The following SAMD3 variants were observed in gnomAD, a reference collection of about 807,000 sequenced individuals.
SAMD3 encodes the protein sterile alpha motif domain containing 3.
A neutral mutation model predicts 58.5 loss-of-function variants in SAMD3; 63 were observed. That is an observed-to-expected ratio of 1.08 (90% CI 0.88 to 1.33). SAMD3 has a LOEUF of 1.33. Among genes scored for constraint, SAMD3 ranks in the 40% most tolerant of loss-of-function variants. The pLI is 0.00. For synonymous variants in SAMD3, 220 were observed against 210.3 expected, an observed-to-expected ratio of 1.05 and a Z score of -0.40; for missense variants, 604 against 608.4, an observed-to-expected ratio of 0.99 and a Z score of 0.08.
intron 1 of SAMD3, among the ~76,000 whole-genome samples, chr6:130,361,846 A>G (rs1316058661): frequency 6.6e-6 from 1 of 152,190 alleles, no homozygotes; most frequent in Non-Finnish European, 1.5e-5. Flanking sequence ...ACAGTGCCTG[A>G]GAGATTTGTT....
At chr6:130,335,253 G>T (rs898255346) in intron 1 of SAMD3, among the ~76,000 whole-genome samples, 10 of 152,154 alleles carry the variant, frequency 6.6e-5, no homozygotes, top group Admixed American at 3.3e-4. Context: ...AAAACAATGT[G>T]CCAAGACTGA....
chr6:130,329,283 G>T (rs1776854600), intron 1 of SAMD3, among the ~76,000 whole-genome samples: 1 of 147,132 alleles, frequency 6.8e-6, no homozygotes, highest in Admixed American at 6.8e-5. Context: ...AAAAAAGCCT[G>T]GTAAAGTTTA....
chr6:130,209,698 TA>T (rs1795370253), intron 4 of SAMD3, 90 bp from the exon 5 acceptor site: 2 of 753,614 alleles, frequency 2.7e-6, no homozygotes, highest in Non-Finnish European at 4.5e-6. Context: ...CAGCCCAGAG[TA>T]AACATCATGG....
At chr6:130,234,119 T>C (rs1932112) in intron 2 of SAMD3, among the ~76,000 whole-genome samples, 21,708 of 152,272 alleles carry the variant, frequency 0.14, 1,764 homozygotes, top group East Asian at 0.36. Flanking sequence ...CTCTCATCCT[T>C]CCTTGTCATT....
Position 130,144,418 on chromosome 6 carries a change from A to G in SAMD3, c.*102T>C, listed in dbSNP as rs1463313666. 3.7e-6 allele frequency: 4 copies of G among 1,074,198 alleles called. No homozygotes were observed. In the South Asian group the frequency reaches 5.0e-5, roughly 13 times the overall value. 66.5% of individuals were successfully genotyped at this position (1,074,198 alleles called of 1,614,324 possible). ...CATTAGCATCTATAAATACAAGATG[A>G]TTTTCTCATACCTACCTCTACCACA... On this transcript the variant is annotated 3_prime_UTR_variant, in exon 12 of 12. Coordinates refer to ENST00000439090, the MANE Select transcript of SAMD3 (RefSeq NM_001017373.4).
intron 2 of SAMD3, among the ~76,000 whole-genome samples, chr6:130,273,603 A>ATTT (rs142686259): frequency 0.13 from 19,088 of 149,626 alleles, 1,473 homozygotes; most frequent in East Asian, 0.35. Flanking sequence ...CATTTTATTG[A>ATTT]TTTTTTTTGT....
chr6:130,164,306 CT>C (rs1319306046), intron 8 of SAMD3, among the ~76,000 whole-genome samples: 1 of 152,118 alleles, frequency 6.6e-6, no homozygotes, highest in Non-Finnish European at 1.5e-5. Context: ...AATAAATTAG[CT>C]GTAAAAATGA....
At chr6:130,259,654 G>A (rs1213004303) in intron 2 of SAMD3, among the ~76,000 whole-genome samples, 1 of 152,108 alleles carries the variant, frequency 6.6e-6, no homozygotes, top group Non-Finnish European at 1.5e-5. Flanking sequence ...AGAGGAAAAG[G>A]CCTGCCAGGT....
intron 9 of SAMD3, among the ~76,000 whole-genome samples, chr6:130,151,439 T>G (rs1404668843): frequency 6.6e-5 from 10 of 152,004 alleles, no homozygotes; most frequent in Non-Finnish European, 2.9e-5. Flanking sequence ...TTTTTTAAAT[T>G]TATTTATTTA....
chr6:130,273,643 TC>T (rs1375658028), intron 2 of SAMD3, among the ~76,000 whole-genome samples: 1 of 152,070 alleles, frequency 6.6e-6, no homozygotes, highest in Non-Finnish European at 1.5e-5. Context: ...TTTCTCTTTT[TC>T]TTTTTTGTAT....
intron 7 of SAMD3, among the ~76,000 whole-genome samples, chr6:130,182,315 G>A (rs542681786): frequency 6.6e-5 from 10 of 152,042 alleles, no homozygotes; most frequent in Non-Finnish European, 1.5e-4. Flanking sequence ...TTTATATGCA[G>A]CAGCATATTT....
chr6:130,144,854 A>G (rs761963113), intron 11 of SAMD3, 50 bp from the exon 12 acceptor site: 3 of 1,475,052 alleles, frequency 2.0e-6, no homozygotes, highest in African/African-American at 2.8e-5. Flanking sequence ...TAGCTAAATA[A>G]TAAAACATCT....
intron 2 of SAMD3, among the ~76,000 whole-genome samples, chr6:130,273,065 CT>C (rs869028028): frequency 6.9e-5 from 5 of 72,382 alleles, no homozygotes; most frequent in Middle Eastern, 6.5e-3. Flanking sequence ...TATTGAAGTT[CT>C]TTTTTTTTAA....
chr6:130,282,105 C>G (rs1390750887), intron 2 of SAMD3, among the ~76,000 whole-genome samples: 1 of 150,820 alleles, frequency 6.6e-6, no homozygotes, highest in Non-Finnish European at 1.5e-5. Flanking sequence ...GCTTTACTTA[C>G]TTAACATATT....
Position 130,154,963 on chromosome 6 carries a change from G to A in SAMD3, c.885C>T (p.Tyr295=), listed in dbSNP as rs1451989902. 9.9e-6 allele frequency: 16 copies of A among 1,612,832 alleles called. No individual in the cohort carries two copies. The highest frequency in any genetic ancestry group is 4.5e-5 in the East Asian group (2 of 44,796). The part of the protein sequence containing the change: ...DEHIKWFQQE[Y]VKTEKDWREI... ...CTCTCCAGTCCTTTTCTGTTTTCACGTATTCTTGCTGGAACCACTTAATAT... is the reference window on the plus strand; with the variant it reads ...CTCTCCAGTCCTTTTCTGTTTTCACATATTCTTGCTGGAACCACTTAATAT... The change falls in exon 9 of 12, where the codon TAC becomes TAT. Residue 295 remains tyrosine, a synonymous_variant. Coordinates refer to ENST00000439090, the MANE Select transcript of SAMD3 (RefSeq NM_001017373.4).
chr6:130,365,072 G>A (rs1778097752), intron 1 of SAMD3: 2 of 632,924 alleles, frequency 3.2e-6, no homozygotes, highest in African/African-American at 2.0e-5. Context: ...CCTGCACAGG[G>A]GGTGGTTGGA....
At chr6:130,360,723 C>A (rs1008618532) in intron 1 of SAMD3, among the ~76,000 whole-genome samples, 5 of 152,182 alleles carry the variant, frequency 3.3e-5, no homozygotes, top group Non-Finnish European at 7.3e-5. Flanking sequence ...TGAATTTCCT[C>A]TTCCTAATAA....
At chr6:130,192,722 G>T (rs1004334466) in intron 5 of SAMD3, among the ~76,000 whole-genome samples, 1 of 152,162 alleles carries the variant, frequency 6.6e-6, no homozygotes, top group Non-Finnish European at 1.5e-5. Flanking sequence ...ATTTGGTGCC[G>T]TGACTCGGAT....
chr6:130,181,880 A>G lies in SAMD3; in HGVS notation c.654+2223T>C, dbSNP rs373283540. 1.3e-4 allele frequency among the ~76,000 whole-genome samples: 20 copies of G among 152,250 alleles called. 1 individual carries two copies. Among genetic ancestry groups the G allele is most frequent in the Admixed American group, 3.3e-4 (5 of 15,300 alleles). On this transcript the variant is annotated intron_variant, in intron 7 of 11. Coordinates refer to ENST00000439090, the MANE Select transcript of SAMD3 (RefSeq NM_001017373.4). ...AAACACAAGTTCTATCCTGGCTAACATGGTGAAAATCCATGTCTACTAAAA... is the reference window on the plus strand; with the variant it reads ...AAACACAAGTTCTATCCTGGCTAACGTGGTGAAAATCCATGTCTACTAAAA...
Sources: allele counts gnomAD v4.1 joint callset (sites outside exome capture counted in the v4.1 genomes callset), GRCh38; gene constraint gnomAD v4.1.1; transcripts MANE v1.5; gene names NCBI Gene and HGNC (gene_info 2026-07-23, HGNC 2026-07-21).